The following HHIP variants were observed in gnomAD, a reference collection of about 807,000 sequenced individuals.
HHIP encodes the protein hedgehog-interacting protein.
HHIP carries 12 observed loss-of-function variants against 74.0 expected under a neutral mutation model. The observed-to-expected ratio is 0.16, with a 90% CI of 0.10 to 0.26. HHIP has a LOEUF of 0.26. HHIP is among the 10% of genes least tolerant of loss of function. HHIP has a pLI of 1.00. For synonymous variants in HHIP, 309 were observed against 311.6 expected, an observed-to-expected ratio of 0.99 and a Z score of 0.09; for missense variants, 788 against 845.0, an observed-to-expected ratio of 0.93 and a Z score of 0.84.
At chr4:144,732,610 A>G (rs1560724337) in intron 11 of HHIP, among the ~76,000 whole-genome samples, 2 of 152,154 alleles carry the variant, frequency 1.3e-5, no homozygotes, top group African/African-American at 4.8e-5. Flanking sequence ...GTGCCCATGA[A>G]TCAGTGTTCC....
At chr4:144,719,092 G>A (rs977006287) in intron 11 of HHIP, 136 bp downstream of exon 11, 11 of 647,650 alleles carry the variant, frequency 1.7e-5, no homozygotes, top group Non-Finnish European at 3.0e-5. Context: ...TATGCTTAGA[G>A]CTGTCCTGAA....
chr4:144,719,066 A>G, intron 11 of HHIP, 110 bp downstream of exon 11: 1 of 726,494 alleles, frequency 1.4e-6, no homozygotes, highest in South Asian at 1.7e-5. Context: ...CAAGATGTAC[A>G]CTTTTACCAT....
chr4:144,729,382 G>A (rs1376741507), intron 11 of HHIP, among the ~76,000 whole-genome samples: 1 of 152,132 alleles, frequency 6.6e-6, no homozygotes, highest in Admixed American at 6.6e-5. Context: ...CACCCAGTTG[G>A]AAGATTTCAG....
At chr4:144,659,524 T>C in intron 3 of HHIP, 113 bp from the exon 4 acceptor site, 1 of 646,496 alleles carries the variant, frequency 1.5e-6, no homozygotes. Context: ...AAGCACTTCA[T>C]GGTTCTCAAA....
intron 4 of HHIP, among the ~76,000 whole-genome samples, chr4:144,663,666 T>C (rs759374270): frequency 9.2e-5 from 14 of 152,114 alleles, no homozygotes; most frequent in Non-Finnish European, 1.9e-4. Flanking sequence ...TGAAATACCA[T>C]TTGAAAAAAA....
chr4:144,711,293 C>T (rs954768876), intron 7 of HHIP, among the ~76,000 whole-genome samples: 5 of 152,134 alleles, frequency 3.3e-5, no homozygotes, highest in African/African-American at 7.2e-5. Flanking sequence ...TTTTGTGTGG[C>T]ACAGAGATGA....
rs555692250 is a variant in HHIP, at chr4:144,660,578, C to A, written c.831+740C>A. Among the ~76,000 whole-genome samples, 4 of 151,530 alleles carry A rather than the reference C, an allele frequency of 2.6e-5. No individual in the cohort carries two copies. In the South Asian group the frequency reaches 8.4e-4, roughly 32 times the overall value. On this transcript the variant is annotated intron_variant, in intron 4 of 12. Transcript: ENST00000296575. ...GAAGAACTGGTTATCCTTTTCATTT[C>A]TTAACTGAAAAAAAAAAACCTGAAG...
chr4:144,711,497 G>C (rs1730302529), intron 7 of HHIP, among the ~76,000 whole-genome samples: 2 of 151,558 alleles, frequency 1.3e-5, no homozygotes, highest in South Asian at 4.2e-4. Context: ...CCTGCACCCC[G>C]CCCCCCAACA....
chr4:144,719,652 C>T (rs1054817947), intron 11 of HHIP, among the ~76,000 whole-genome samples: 1 of 152,150 alleles, frequency 6.6e-6, no homozygotes, highest in African/African-American at 2.4e-5. Flanking sequence ...CCTGAGCTAT[C>T]AGAAGCTGAT....
At chr4:144,709,124 C>T (rs922404172) in intron 7 of HHIP, among the ~76,000 whole-genome samples, 3 of 152,144 alleles carry the variant, frequency 2.0e-5, no homozygotes, top group African/African-American at 7.2e-5. Flanking sequence ...GTTATTATTA[C>T]CATTTAATGT....
chr4:144,698,880 A>G (rs1578707243), intron 4 of HHIP, among the ~76,000 whole-genome samples: 3 of 152,312 alleles, frequency 2.0e-5, no homozygotes, highest in Admixed American at 2.0e-4. Context: ...ACGAAAAGAA[A>G]ACTACCAAAT....
At chr4:144,689,232 A>C (rs2126632034) in intron 4 of HHIP, among the ~76,000 whole-genome samples, 1 of 152,306 alleles carries the variant, frequency 6.6e-6, no homozygotes, top group Admixed American at 6.5e-5. Context: ...TCTAATCCAA[A>C]GTTTGAGCAA....
chr4:144,673,005 A>G (rs984327221), intron 4 of HHIP, among the ~76,000 whole-genome samples: 31 of 152,200 alleles, frequency 2.0e-4, no homozygotes, highest in African/African-American at 6.3e-4. Context: ...CTCCGGCCCA[A>G]ACTTTTTAAA....
At chr4:144,681,499 C>G (rs996336859) in intron 4 of HHIP, among the ~76,000 whole-genome samples, 5 of 148,932 alleles carry the variant, frequency 3.4e-5, no homozygotes, top group Non-Finnish European at 7.4e-5. Context: ...AATCTCGGCT[C>G]ACTGCAGCCT....
chr4:144,673,589 A>T (rs1206144479), intron 4 of HHIP, among the ~76,000 whole-genome samples: 39 of 152,194 alleles, frequency 2.6e-4, no homozygotes, highest in Admixed American at 2.6e-3. Context: ...TTTTTAAAGG[A>T]TAACTATACT....
At chr4:144,737,347 C>T (rs1312827455) in intron 12 of HHIP, among the ~76,000 whole-genome samples, 1 of 152,154 alleles carries the variant, frequency 6.6e-6, no homozygotes, top group African/African-American at 2.4e-5. Flanking sequence ...TTGCTTGAGC[C>T]TCTGTGTCTC....
intron 2 of HHIP, among the ~76,000 whole-genome samples, chr4:144,658,456 AC>A (rs1424990115): frequency 6.8e-6 from 1 of 146,304 alleles, no homozygotes; most frequent in Non-Finnish European, 1.5e-5. Context: ...TCCAACCTCC[AC>A]CTCCCGGTTC....
rs1731333176 is a variant in HHIP at position 144,744,463 on chromosome 4, G to C, written c.*6506G>C. On this transcript the variant is annotated 3_prime_UTR_variant, in exon 13 of 13. Transcript: ENST00000296575. ...AGACACCAGACCCAACCCATGCTTA[G>C]ATTTCTGTTAATAAAAGGGAGAAGG... The C allele has an allele frequency of 6.6e-6, 1 of 152,176 alleles. No homozygotes were observed. The highest frequency in any genetic ancestry group is 1.5e-5 in the Non-Finnish European group (1 of 68,048). The allele number at this position is 152,176 out of a possible 1,614,324, so 9.4% of individuals were successfully genotyped here.
Position 144,730,989 on chromosome 4 carries a change from C to T in HHIP, c.1761-3752C>T, listed in dbSNP as rs141483323. 3.4e-4 allele frequency among the ~76,000 whole-genome samples: 51 copies of T among 152,172 alleles called. 1 individual carries two copies. In the East Asian group the frequency reaches 6.8e-3, roughly 20 times the overall value. The stretch of plus-strand genomic sequence containing the variant: ...ATGCTCACCTTGACTTCTTAGCCTT[C>T]GGTTTATTTACTATGATTATAATTA... On this transcript the variant is annotated intron_variant, in intron 11 of 12. Transcript: ENST00000296575.
Sources: allele counts gnomAD v4.1 joint callset (sites outside exome capture counted in the v4.1 genomes callset), GRCh38; gene constraint gnomAD v4.1.1; transcripts MANE v1.5; gene names NCBI Gene and HGNC (gene_info 2026-07-23, HGNC 2026-07-21).